ZCWPW2: variants seen among roughly 807,000 people sequenced by gnomAD.
The protein encoded by ZCWPW2 is zinc finger CW-type and PWWP domain containing 2.
In ZCWPW2, 45 loss-of-function variants were observed where a neutral mutation model predicts 46.6. The observed-to-expected ratio is 0.96, with a 90% CI of 0.76 to 1.24. The LOEUF (loss-of-function observed/expected upper bound fraction) is 1.24. ZCWPW2 is among the 50% of genes most tolerant of loss of function. ZCWPW2 has a pLI of 0.00. For synonymous variants in ZCWPW2, 152 were observed against 137.1 expected, an observed-to-expected ratio of 1.11 and a Z score of -0.76; for missense variants, 429 against 403.9, an observed-to-expected ratio of 1.06 and a Z score of -0.53.
intron 4 of ZCWPW2, among the ~76,000 whole-genome samples, chr3:28,442,360 C>T (rs1193306792): frequency 1.3e-5 from 2 of 152,178 alleles, no homozygotes; most frequent in Non-Finnish European, 2.9e-5. Flanking sequence ...GGATTTATTT[C>T]CCATCCTCTG....
intron 6 of ZCWPW2, among the ~76,000 whole-genome samples, chr3:28,511,564 T>C (rs1700426128): frequency 6.6e-6 from 1 of 152,154 alleles, no homozygotes; most frequent in African/African-American, 2.4e-5. Context: ...CTTTTGGTGA[T>C]TATCCTTAAA....
chr3:28,495,448 A>G (rs1699958596), intron 6 of ZCWPW2, among the ~76,000 whole-genome samples: 1 of 152,102 alleles, frequency 6.6e-6, no homozygotes, highest in Non-Finnish European at 1.5e-5. Context: ...TAGTGTTTCT[A>G]TATATTGCTT....
intron 2 of ZCWPW2, among the ~76,000 whole-genome samples, chr3:28,402,104 C>A (rs1386848678): frequency 6.6e-6 from 1 of 150,928 alleles, no homozygotes; most frequent in Non-Finnish European, 1.5e-5. Context: ...AACAAACAAA[C>A]AAAAAAATAC....
At chr3:28,364,460 C>T (rs1654138682) in intron 1 of ZCWPW2, among the ~76,000 whole-genome samples, 1 of 151,644 alleles carries the variant, frequency 6.6e-6, no homozygotes, top group South Asian at 2.1e-4. Flanking sequence ...ACTTTTTTTT[C>T]CTCTGGGTAG....
intron 4 of ZCWPW2, 117 bp downstream of exon 4, chr3:28,435,386 G>T: frequency 2.4e-6 from 2 of 827,086 alleles, no homozygotes; most frequent in Admixed American, 4.0e-5. Flanking sequence ...AATGTATGCT[G>T]TTTATTTAAT....
chr3:28,380,963 TATATATA>T (rs1695045059), intron 1 of ZCWPW2, among the ~76,000 whole-genome samples: 15 of 38,092 alleles, frequency 3.9e-4, no homozygotes, highest in South Asian at 7.5e-4. Context: ...TATATATATA[TATATATA>T]TTTGGTATAT....
At chr3:28,485,107 T>C (rs956350092) in intron 5 of ZCWPW2, among the ~76,000 whole-genome samples, 3 of 152,132 alleles carry the variant, frequency 2.0e-5, no homozygotes, top group African/African-American at 7.2e-5. Context: ...TCATTTTCAT[T>C]GAGTTCAAAA....
intron 8 of ZCWPW2, among the ~76,000 whole-genome samples, chr3:28,519,278 T>G (rs139744870): frequency 8.8e-4 from 134 of 152,306 alleles, no homozygotes; most frequent in South Asian, 2.7e-3. Context: ...TGAAATTGAC[T>G]AGAAGGAGGT....
At chr3:28,454,714 T>A (rs927256795) in intron 4 of ZCWPW2, among the ~76,000 whole-genome samples, 6 of 152,198 alleles carry the variant, frequency 3.9e-5, no homozygotes, top group African/African-American at 1.2e-4. Flanking sequence ...TAGCTCCCAC[T>A]TAAAAGTAAG....
At chr3:28,490,577 C>T (rs1261508221) in intron 5 of ZCWPW2, among the ~76,000 whole-genome samples, 1 of 152,076 alleles carries the variant, frequency 6.6e-6, no homozygotes, top group African/African-American at 2.4e-5. Flanking sequence ...AACAGACAAT[C>T]AAGTGCTGCA....
At chr3:28,404,463 T>G (rs138647487) in intron 2 of ZCWPW2, among the ~76,000 whole-genome samples, 600 of 152,264 alleles carry the variant, frequency 3.9e-3, no homozygotes, top group African/African-American at 0.014. Flanking sequence ...GAAAACAGTG[T>G]GGAGATTCCG....
chr3:28,396,272 T>TTCA (rs1415269000), intron 2 of ZCWPW2, among the ~76,000 whole-genome samples: 1 of 152,200 alleles, frequency 6.6e-6, no homozygotes, highest in East Asian at 1.9e-4. Flanking sequence ...GTTATTCAAC[T>TTCA]TCAATTCTTG....
chr3:28,484,698 C>T (rs1476377987), intron 5 of ZCWPW2, among the ~76,000 whole-genome samples: 1 of 148,876 alleles, frequency 6.7e-6, no homozygotes, highest in Non-Finnish European at 1.5e-5. Context: ...TCCTGTCTCC[C>T]TCCCTCCCTT....
At chr3:28,432,746 GTATT>G (rs1322110023) in intron 3 of ZCWPW2, among the ~76,000 whole-genome samples, 1 of 151,962 alleles carries the variant, frequency 6.6e-6, no homozygotes, top group Non-Finnish European at 1.5e-5. Flanking sequence ...TTAATACTAA[GTATT>G]TAAGAAATTG....
chr3:28,391,356 C>T (rs1337515908), intron 2 of ZCWPW2, among the ~76,000 whole-genome samples: 1 of 79,490 alleles, frequency 1.3e-5, no homozygotes, highest in Non-Finnish European at 2.9e-5. Context: ...CTCCCTGCCA[C>T]ACACACACAC....
intron 5 of ZCWPW2, among the ~76,000 whole-genome samples, chr3:28,491,131 G>A (rs1325536007): frequency 6.6e-6 from 1 of 152,072 alleles, no homozygotes; most frequent in Non-Finnish European, 1.5e-5. Context: ...CAAAAGAGGT[G>A]GAGTTTTATC....
intron 4 of ZCWPW2, among the ~76,000 whole-genome samples, chr3:28,456,878 T>C (rs1698444710): frequency 1.3e-5 from 2 of 152,212 alleles, no homozygotes; most frequent in South Asian, 2.1e-4. Flanking sequence ...TTTGCCAGTA[T>C]TTTGACGAGG....
At chr3:28,423,910 G>A (rs1696900024) in intron 3 of ZCWPW2, among the ~76,000 whole-genome samples, 1 of 151,902 alleles carries the variant, frequency 6.6e-6, no homozygotes, top group Non-Finnish European at 1.5e-5. Flanking sequence ...AGTAGTTTGT[G>A]CCCATTTGCT....
intron 4 of ZCWPW2, among the ~76,000 whole-genome samples, chr3:28,440,714 G>T (rs1013129983): frequency 6.6e-6 from 1 of 152,194 alleles, no homozygotes; most frequent in African/African-American, 2.4e-5. Flanking sequence ...TAAAGTGAGT[G>T]CCTTGGTCGG....
Sources: allele counts gnomAD v4.1 joint callset (sites outside exome capture counted in the v4.1 genomes callset), GRCh38; gene constraint gnomAD v4.1.1; transcripts MANE v1.5; gene names NCBI Gene and HGNC (gene_info 2026-07-23, HGNC 2026-07-21).